Variants in RSBN1L observed in about 807,000 individuals in gnomAD.
RSBN1L encodes the protein round spermatid basic protein 1 like.
In RSBN1L, 30 loss-of-function variants were observed where a neutral mutation model predicts 67.7. The ratio of observed to expected loss-of-function variants is 0.44; its 90% CI spans 0.33 to 0.60. RSBN1L has a LOEUF of 0.60. Ranked by LOEUF, RSBN1L falls within the 20% of genes least tolerant of loss-of-function variation. RSBN1L has a pLI of 0.02. For missense variants in RSBN1L, 992 were observed against 1,031.7 expected, an observed-to-expected ratio of 0.96 and a Z score of 0.53; for synonymous variants, 433 against 387.0, an observed-to-expected ratio of 1.12 and a Z score of -1.39.
At chr7:77,733,636 T>G (rs1488147004) in intron 1 of RSBN1L, among the ~76,000 whole-genome samples, 1 of 151,966 alleles carries the variant, frequency 6.6e-6, no homozygotes, top group Non-Finnish European at 1.5e-5. Context: ...TAAATAATTT[T>G]AAATAATGGC....
intron 3 of RSBN1L, among the ~76,000 whole-genome samples, chr7:77,758,897 C>G (rs1791659875): frequency 6.6e-6 from 1 of 152,156 alleles, no homozygotes. Flanking sequence ...GAACCCTGTA[C>G]TAAGAACTGT....
At chr7:77,740,078 C>T (rs924993700) in intron 2 of RSBN1L, among the ~76,000 whole-genome samples, 15 of 151,864 alleles carry the variant, frequency 9.9e-5, no homozygotes, top group African/African-American at 3.6e-4. Context: ...ACTGGAAATA[C>T]ACACAAAATT....
At chr7:77,774,279 A>G (rs1396759376) in intron 6 of RSBN1L, among the ~76,000 whole-genome samples, 2 of 152,226 alleles carry the variant, frequency 1.3e-5, no homozygotes. Context: ...GATAAAACAT[A>G]TAAAGCAAAG....
At chr7:77,740,365 A>G (rs1046869083) in intron 2 of RSBN1L, among the ~76,000 whole-genome samples, 21 of 152,230 alleles carry the variant, frequency 1.4e-4, no homozygotes, top group African/African-American at 4.6e-4. Flanking sequence ...GTTTGTCATT[A>G]TAGCATTTTA....
chr7:77,777,985 T>C (rs1395698895), intron 6 of RSBN1L, among the ~76,000 whole-genome samples: 1 of 152,196 alleles, frequency 6.6e-6, no homozygotes, highest in African/African-American at 2.4e-5. Context: ...TTTTATGTAG[T>C]GTTTTCAACT....
In RSBN1L at chr7:77,770,219, G is replaced by A. The variant is rs1454300586; in HGVS notation, c.1625+1416G>A. ...GGAAACCCCGTCTCTACTAAAAATA[G>A]AACAAATTAGCCCAGCGTGGTGGGA... On this transcript the variant is annotated intron_variant, in intron 5 of 7. Coordinates refer to ENST00000334955, the MANE Select transcript of RSBN1L (RefSeq NM_198467.3). Among the ~76,000 whole-genome samples the A allele has an allele frequency of 2.6e-5, 4 of 152,142 alleles. No homozygotes were observed. In the East Asian group the frequency reaches 7.7e-4, roughly 29 times the overall value.
chr7:77,778,205 A>G (rs1167708537), intron 6 of RSBN1L, 133 bp from the exon 7 acceptor site: 5 of 561,028 alleles, frequency 8.9e-6, no homozygotes, highest in Non-Finnish European at 6.1e-6. Context: ...TGGCTTTCCA[A>G]TTAACAGTTT....
At chr7:77,738,424 T>A (rs1791364801) in intron 2 of RSBN1L, among the ~76,000 whole-genome samples, 1 of 152,180 alleles carries the variant, frequency 6.6e-6, no homozygotes, top group Non-Finnish European at 1.5e-5. Flanking sequence ...ATGTGGAAAT[T>A]AATTTGTGAC....
intron 4 of RSBN1L, among the ~76,000 whole-genome samples, chr7:77,767,943 G>A (rs1436309399): frequency 1.4e-5 from 2 of 143,558 alleles, no homozygotes; most frequent in African/African-American, 2.6e-5. Context: ...CTCCGCCTCC[G>A]AGGTTCAAGC....
chr7:77,712,683 GAAC>G (rs1205996723), intron 1 of RSBN1L, among the ~76,000 whole-genome samples: 2 of 152,020 alleles, frequency 1.3e-5, no homozygotes, highest in African/African-American at 4.8e-5. Context: ...AATATGTGTA[GAAC>G]TATATTATCA....
chr7:77,714,550 G>C (rs886439728), intron 1 of RSBN1L, among the ~76,000 whole-genome samples: 1 of 152,092 alleles, frequency 6.6e-6, no homozygotes, highest in Non-Finnish European at 1.5e-5. Flanking sequence ...TTTTATTTCT[G>C]AGTAGTAATT....
intron 1 of RSBN1L, among the ~76,000 whole-genome samples, chr7:77,721,055 C>G (rs896725973): frequency 6.6e-6 from 1 of 151,886 alleles, no homozygotes. Flanking sequence ...TGCTTTTTTT[C>G]TTATGTGGAT....
At chr7:77,735,078 T>C (rs915400991) in intron 1 of RSBN1L, among the ~76,000 whole-genome samples, 1 of 152,062 alleles carries the variant, frequency 6.6e-6, no homozygotes, top group Non-Finnish European at 1.5e-5. Flanking sequence ...AAAAACACTT[T>C]GTCAGTGTTA....
intron 1 of RSBN1L, among the ~76,000 whole-genome samples, chr7:77,708,063 C>A (rs1325951696): frequency 6.6e-6 from 1 of 152,088 alleles, no homozygotes. Flanking sequence ...TCTCAAATAC[C>A]TTGCAAACTT....
chr7:77,757,120 A>C (rs1483562774), intron 3 of RSBN1L, among the ~76,000 whole-genome samples: 1 of 152,232 alleles, frequency 6.6e-6, no homozygotes, highest in Non-Finnish European at 1.5e-5. Flanking sequence ...AAAGATGACA[A>C]ATTATGTAGC....
intron 1 of RSBN1L, among the ~76,000 whole-genome samples, chr7:77,719,227 C>T (rs1335239534): frequency 1.3e-5 from 2 of 152,148 alleles, no homozygotes; most frequent in African/African-American, 4.8e-5. Flanking sequence ...GATAAAGCAT[C>T]TGTAGGTGTG....
chr7:77,756,931 T>C (rs760603636), intron 3 of RSBN1L, among the ~76,000 whole-genome samples: 11 of 152,342 alleles, frequency 7.2e-5, no homozygotes, highest in African/African-American at 2.4e-4. Context: ...CATTCAGTGA[T>C]GTGAATGGCA....
Position 77,765,477 on chromosome 7 carries a change from A to G in RSBN1L, c.1345-18A>G, listed in dbSNP as rs771343991. ...AAAAGAACGTATTTAACTTTTAATT[A>G]AATCCATGTTTCTTCAGGTAAAAAG... On this transcript the variant is annotated intron_variant, in intron 3 of 7. Coordinates refer to ENST00000334955, the MANE Select transcript of RSBN1L (RefSeq NM_198467.3). 1 of 1,514,202 alleles carries G rather than the reference A, an allele frequency of 6.6e-7. No individual in the cohort carries two copies. The highest frequency in any genetic ancestry group is 2.3e-5 in the East Asian group (1 of 43,138). The allele number at this position is 1,514,202 out of a possible 1,614,324, so 93.8% of individuals were successfully genotyped here.
At chr7:77,772,033 A>G (rs1791857115) in intron 5 of RSBN1L, among the ~76,000 whole-genome samples, 1 of 152,192 alleles carries the variant, frequency 6.6e-6, no homozygotes, top group Non-Finnish European at 1.5e-5. Context: ...CATTGTGTCA[A>G]GTGCTGTACA....
Sources: gnomAD v4.1 joint callset for allele counts (sites outside exome capture counted in the v4.1 genomes callset) on GRCh38, gnomAD v4.1.1 for gene constraint, MANE v1.5 for transcripts, NCBI Gene and HGNC (gene_info 2026-07-23, HGNC 2026-07-21) for gene names.